The following CWF19L2 variants were observed in gnomAD, a reference collection of about 807,000 sequenced individuals.
CWF19L2 encodes CWF19-like protein 2.
In CWF19L2, 98 loss-of-function variants were observed where a neutral mutation model predicts 111.7. That is an observed-to-expected ratio of 0.88 (90% CI 0.75 to 1.04). CWF19L2 has a LOEUF of 1.04. Ranked by LOEUF, CWF19L2 falls within the 50% of genes least tolerant of loss-of-function variation. The pLI is 0.00. For synonymous variants in CWF19L2, 351 were observed against 342.9 expected (o/e 1.02, Z -0.26); for missense variants, 1,101 against 1,051.4 (o/e 1.05, Z -0.65).
intron 12 of CWF19L2, among the ~76,000 whole-genome samples, chr11:107,367,505 T>G (rs568346923): frequency 0.019 from 2,468 of 130,462 alleles, 483 homozygotes; most frequent in African/African-American, 0.073. Context: ...CCATAAAAAA[T>G]GATGAGTTCA....
At chr11:107,433,596 C>A in intron 7 of CWF19L2, 38 bp downstream of exon 7, 1 of 960,896 alleles carries the variant, frequency 1.0e-6, no homozygotes. Context: ...TCACCTAATT[C>A]TGAAAATAAG....
chr11:107,456,228 A>G (rs1474168013), intron 1 of CWF19L2, among the ~76,000 whole-genome samples: 1 of 150,784 alleles, frequency 6.6e-6, no homozygotes, highest in Non-Finnish European at 1.5e-5. Context: ...CTGTATAAAG[A>G]AAGGATCATA....
At chr11:107,411,969 C>T (rs2135394286) in intron 10 of CWF19L2, among the ~76,000 whole-genome samples, 1 of 152,282 alleles carries the variant, frequency 6.6e-6, no homozygotes, top group South Asian at 2.1e-4. Context: ...GCACTGCTCC[C>T]ATGAAGCTTG....
intron 2 of CWF19L2, among the ~76,000 whole-genome samples, chr11:107,454,981 G>A (rs1861833516): frequency 6.6e-6 from 1 of 151,996 alleles, no homozygotes; most frequent in African/African-American, 2.4e-5. Context: ...AATATAACAA[G>A]ATAGCACAAA....
chr11:107,447,517 G>A (rs1371411109), intron 3 of CWF19L2, among the ~76,000 whole-genome samples: 4 of 152,158 alleles, frequency 2.6e-5, no homozygotes, highest in East Asian at 1.9e-4. Flanking sequence ...AAGAAACCTC[G>A]CTGAACATCC....
intron 10 of CWF19L2, among the ~76,000 whole-genome samples, chr11:107,410,396 T>C (rs1262477564): frequency 6.6e-6 from 1 of 152,156 alleles, no homozygotes. Context: ...TTTATACATA[T>C]ATATACTTAG....
chr11:107,429,212 T>A lies in CWF19L2; in HGVS notation c.1020A>T (p.Arg340Ser). The A allele has an allele frequency of 6.2e-7, 1 of 1,612,928 alleles. No individual in the cohort carries two copies. The highest frequency in any genetic ancestry group is 8.5e-7 in the Non-Finnish European group (1 of 1,179,644). Reference protein sequence around the residue: ...EKFIGDEKDKRPGSLETCRRE... With the variant: ...EKFIGDEKDKSPGSLETCRRE... ...TTCTACACGTTTCTAAAGACCCAGG[T>A]CTCTTATCTTTTTCATCACCAATAA... The change falls in exon 8 of 18, where the codon AGA (arginine) becomes AGT (serine). Residue 340 changes from arginine (R) to serine (S), a missense_variant. Physicochemically the swap from Arg to Ser is moderately radical, Grantham distance 110. Coordinates refer to ENST00000282251, the MANE Select transcript of CWF19L2 (RefSeq NM_152434.3).
chr11:107,359,766 G>GA (rs982742459), intron 12 of CWF19L2, among the ~76,000 whole-genome samples: 35 of 142,216 alleles, frequency 2.5e-4, no homozygotes, highest in Middle Eastern at 3.6e-3. Flanking sequence ...TTTTACAAAG[G>GA]AAAAAAAAAA....
At chr11:107,385,747 G>A (rs527588102) in intron 12 of CWF19L2, among the ~76,000 whole-genome samples, 40 of 152,346 alleles carry the variant, frequency 2.6e-4, no homozygotes, top group African/African-American at 9.6e-4. Flanking sequence ...GAAATATGCT[G>A]TTCTACTCCA....
rs1216396700 is a variant in CWF19L2 at position 107,368,117 on chromosome 11, C to T, written c.1873-14381G>A. On this transcript the variant is annotated intron_variant, in intron 12 of 17. Transcript: ENST00000282251. ...GAGATCCGGGCAGAATAAATTGAGA[C>T]CCCCCCCCACACAAAAATACAAAAG... Among the ~76,000 whole-genome samples the T allele has an allele frequency of 7.5e-5, 3 of 40,048 alleles. 1 individual carries two copies. The highest frequency in any genetic ancestry group is 1.4e-4 in the Non-Finnish European group (3 of 21,082). The allele number at this position is 40,048 out of a possible 152,430, so 26.3% of individuals were successfully genotyped here. A position where few individuals can be genotyped will look rare whatever the true frequency, so the allele number is the denominator to read the frequency against.
chr11:107,390,606 T>A (rs146809357), intron 11 of CWF19L2, among the ~76,000 whole-genome samples: 15 of 152,328 alleles, frequency 9.8e-5, no homozygotes, highest in African/African-American at 3.6e-4. Context: ...AGATGAAGTA[T>A]TAGCAAATCC....
intron 10 of CWF19L2, among the ~76,000 whole-genome samples, chr11:107,403,069 A>T (rs563506403): frequency 2.0e-5 from 3 of 151,508 alleles, no homozygotes; most frequent in Non-Finnish European, 4.4e-5. Context: ...ATGCAAAGGG[A>T]TAAGAATGAT....
intron 12 of CWF19L2, among the ~76,000 whole-genome samples, chr11:107,381,832 G>T (rs368134513): frequency 1.2e-4 from 19 of 152,200 alleles, no homozygotes; most frequent in Admixed American, 5.2e-4. Context: ...AGCCTTAAGT[G>T]TTACAAACAA....
intron 12 of CWF19L2, among the ~76,000 whole-genome samples, chr11:107,354,933 T>G (rs1860213828): frequency 6.6e-6 from 1 of 152,188 alleles, no homozygotes; most frequent in Non-Finnish European, 1.5e-5. Flanking sequence ...AGAAACTTCC[T>G]CCATCTTGCA....
At chr11:107,327,202 T>A (rs1457514601) in intron 17 of CWF19L2, 149 bp from the exon 18 acceptor site, 8 of 833,546 alleles carry the variant, frequency 9.6e-6, no homozygotes, top group East Asian at 5.9e-5. Context: ...GTTAAAAAAA[T>A]ATGTTTTCAG....
chr11:107,420,151 T>G (rs147025572), intron 8 of CWF19L2, among the ~76,000 whole-genome samples: 376 of 152,040 alleles, frequency 2.5e-3, no homozygotes, highest in African/African-American at 8.7e-3. Context: ...AGAAAACGAA[T>G]AGCAAAGTTA....
At position 107,327,437 on chromosome 11, in the gene CWF19L2, A is replaced by G. The variant is rs572984245; in HGVS notation, c.2542-384T>C. Among the ~76,000 whole-genome samples the G allele has an allele frequency of 2.0e-4, 30 of 152,322 alleles. 2 individuals carry two copies. The South Asian group carries it at 6.2e-3, about 32-fold the overall frequency. ...TAGCAATTATTAACTTTACTGCTCA[A>G]CTGCAGTTGAATCCCAAGCTAATGT... On this transcript the variant is annotated intron_variant, in intron 17 of 17. Transcript: ENST00000282251.
At chr11:107,332,374 T>C (rs1039723131) in intron 16 of CWF19L2, among the ~76,000 whole-genome samples, 15 of 152,178 alleles carry the variant, frequency 9.9e-5, no homozygotes, top group Non-Finnish European at 1.9e-4. Context: ...TCCTGTTTAT[T>C]TCCATGAACC....
intron 13 of CWF19L2, among the ~76,000 whole-genome samples, chr11:107,350,788 G>A (rs1427115286): frequency 6.6e-6 from 1 of 152,156 alleles, no homozygotes; most frequent in African/African-American, 2.4e-5. Flanking sequence ...GAGAAGTTAG[G>A]AAGCCTCCCT....
Sources: gnomAD v4.1 joint callset for allele counts (sites outside exome capture counted in the v4.1 genomes callset) on GRCh38, gnomAD v4.1.1 for gene constraint, MANE v1.5 for transcripts, NCBI Gene and HGNC (gene_info 2026-07-23, HGNC 2026-07-21) for gene names.